The following SAMD5 variants were observed in gnomAD, a reference collection of about 807,000 sequenced individuals.
SAMD5 encodes sterile alpha motif domain containing 5, also known as sterile alpha motif domain-containing protein 5.
SAMD5 carries 13 observed loss-of-function variants against 11.3 expected under a neutral mutation model. That is an observed-to-expected ratio of 1.15 (90% CI 0.75 to 1.83). The LOEUF is 1.83. SAMD5 is among the 40% of genes most tolerant of loss of function. The pLI is 0.00. For missense variants in SAMD5, 255 were observed against 239.1 expected, an observed-to-expected ratio of 1.07 and a Z score of -0.44; for synonymous variants, 129 against 111.3, an observed-to-expected ratio of 1.16 and a Z score of -1.00.
chr6:147,742,122 T>A (rs1791888168), downstream of SAMD5, among the ~76,000 whole-genome samples: 2 of 152,098 alleles, frequency 1.3e-5, no homozygotes, highest in African/African-American at 2.4e-5. Context: ...TTTAAAAAAA[T>A]ATGAGTTTTA....
chr6:147,882,812 C>T, the SAMD5 span, among the ~76,000 whole-genome samples: 1 of 152,116 alleles, frequency 6.6e-6, no homozygotes, highest in African/African-American at 2.4e-5. Context: ...ATGTTTTGCC[C>T]TGTTATTAGG....
chr6:147,769,982 C>T, the SAMD5 span, among the ~76,000 whole-genome samples: 10 of 152,308 alleles, frequency 6.6e-5, no homozygotes, highest in African/African-American at 2.4e-4. Context: ...TGTTGATTAG[C>T]ATCCTTCCCG....
Position 147,565,085 on chromosome 6 carries a change from C to G in SAMD5, c.*629C>G. ...ATTAAGGAACATCACCAAGAGAGGA[C>G]AATTTCTTCTAACTTCTCTTTTTAA... On this transcript the variant is annotated 3_prime_UTR_variant, in exon 2 of 2. Coordinates refer to ENST00000367474, the MANE Select transcript of SAMD5 (RefSeq NM_001030060.3). 3.0e-6 allele frequency: 3 copies of G among 983,788 alleles called. No homozygotes were observed. Among genetic ancestry groups the G allele is most frequent in the Non-Finnish European group, 3.6e-6 (3 of 828,438 alleles). 60.9% of individuals were successfully genotyped at this position (983,788 alleles called of 1,614,324 possible).
the SAMD5 span, among the ~76,000 whole-genome samples, chr6:147,784,061 C>G: frequency 6.6e-6 from 1 of 152,146 alleles, no homozygotes; most frequent in African/African-American, 2.4e-5. Flanking sequence ...TTCTATCCTA[C>G]TGCTTTCATT....
intron 1 of SAMD5, among the ~76,000 whole-genome samples, chr6:147,544,999 C>CA (rs1387551820): frequency 6.6e-6 from 1 of 152,058 alleles, no homozygotes; most frequent in African/African-American, 2.4e-5. Flanking sequence ...ATATTCCATG[C>CA]AGTTCAGTTT....
the SAMD5 span, among the ~76,000 whole-genome samples, chr6:147,906,464 A>G: frequency 6.6e-6 from 1 of 152,222 alleles, no homozygotes; most frequent in Non-Finnish European, 1.5e-5. Flanking sequence ...GGCCAACAGA[A>G]CACCCTTAAA....
chr6:147,918,120 A>T, the SAMD5 span, among the ~76,000 whole-genome samples: 1 of 152,114 alleles, frequency 6.6e-6, no homozygotes, highest in Non-Finnish European at 1.5e-5. Flanking sequence ...CTTGATGGGG[A>T]TGGCATTGAA....
intron 1 of SAMD5, among the ~76,000 whole-genome samples, chr6:147,651,136 A>G (rs1241050291): frequency 2.0e-5 from 3 of 152,234 alleles, no homozygotes; most frequent in Non-Finnish European, 4.4e-5. Flanking sequence ...GTCCAAAGGA[A>G]TTGGCAAAGA....
At chr6:147,786,760 ATCAT>A in the SAMD5 span, among the ~76,000 whole-genome samples, 1 of 152,186 alleles carries the variant, frequency 6.6e-6, no homozygotes, top group Non-Finnish European at 1.5e-5. Context: ...TTATTTTAAA[ATCAT>A]TCACTCTTTC....
the SAMD5 span, among the ~76,000 whole-genome samples, chr6:147,745,182 ATAAC>A: frequency 1.3e-5 from 2 of 152,110 alleles, no homozygotes; most frequent in African/African-American, 4.8e-5. Context: ...TTTGATCAAA[ATAAC>A]TGTGTGTGCC....
intron 1 of SAMD5, among the ~76,000 whole-genome samples, chr6:147,623,000 TA>T (rs1789994400): frequency 6.6e-6 from 1 of 152,150 alleles, no homozygotes; most frequent in Non-Finnish European, 1.5e-5. Flanking sequence ...CCCTCATGAT[TA>T]AATTACCTCC....
In SAMD5 at chr6:147,567,310, T is replaced by C. The variant is rs914825148; in HGVS notation, c.*2854T>C. On this transcript the variant is annotated 3_prime_UTR_variant, in exon 2 of 2. Transcript: ENST00000367474. The stretch of plus-strand genomic sequence containing the variant: ...GGGAGCATACGAGCAATTTCTCAGT[T>C]CAGAGATATTTATAGCATCTTGGTG... 3 of 985,230 alleles carry C rather than the reference T, an allele frequency of 3.0e-6. No individual in the cohort carries two copies. The African/African-American group carries it at 5.2e-5, about 17-fold the overall frequency. The allele number at this position is 985,230 out of a possible 1,614,324, so 61.0% of individuals were successfully genotyped here.
intron 1 of SAMD5, among the ~76,000 whole-genome samples, chr6:147,545,497 G>C (rs1788670868): frequency 6.6e-6 from 1 of 152,088 alleles, no homozygotes; most frequent in Non-Finnish European, 1.5e-5. Flanking sequence ...ACTTGTCTTT[G>C]TTCCATGTTG....
At position 147,629,805 on chromosome 6, in the gene SAMD5, T is replaced by C. The variant is rs78355227; in HGVS notation, c.163-107512T>C. Among the ~76,000 whole-genome samples, 357 of 152,308 alleles carry C rather than the reference T, an allele frequency of 2.3e-3. 2 individuals are homozygous for C. Among genetic ancestry groups the C allele is most frequent in the African/African-American group, 8.3e-3 (343 of 41,564 alleles). On this transcript the variant is annotated intron_variant, in intron 1 of 1. Transcript: ENST00000566741. The stretch of plus-strand genomic sequence containing the variant: ...GTCAAGAATATCCTGTTGTAGCACC[T>C]CTTCCTTCCAGCTTCGAGTGGATAA...
chr6:147,812,412 A>C, the SAMD5 span, among the ~76,000 whole-genome samples: 1 of 152,010 alleles, frequency 6.6e-6, no homozygotes, highest in Non-Finnish European at 1.5e-5. Flanking sequence ...ATGTGCATAG[A>C]GGAAGGGTTT....
the SAMD5 span, among the ~76,000 whole-genome samples, chr6:147,817,171 A>G: frequency 2.1e-3 from 319 of 152,260 alleles, no homozygotes; most frequent in African/African-American, 7.3e-3. Flanking sequence ...CATTTCTACC[A>G]TGATGTAAAT....
At chr6:147,670,337 T>G (rs1790778474) in intron 1 of SAMD5, among the ~76,000 whole-genome samples, 1 of 152,182 alleles carries the variant, frequency 6.6e-6, no homozygotes, top group Non-Finnish European at 1.5e-5. Flanking sequence ...CCAGAATGAT[T>G]GAATGAGCAT....
At chr6:147,593,958 T>C (rs574467431) in intron 1 of SAMD5, among the ~76,000 whole-genome samples, 1 of 152,182 alleles carries the variant, frequency 6.6e-6, no homozygotes, top group Non-Finnish European at 1.5e-5. Context: ...TGAAACCCCG[T>C]CTGTACTAAA....
the SAMD5 span, among the ~76,000 whole-genome samples, chr6:147,937,505 G>A: frequency 1.3e-5 from 2 of 152,312 alleles, no homozygotes; most frequent in African/African-American, 4.8e-5. Flanking sequence ...TAGCAGTCCA[G>A]CTTCATCTGT....
Sources: allele counts gnomAD v4.1 joint callset (sites outside exome capture counted in the v4.1 genomes callset), GRCh38; gene constraint gnomAD v4.1.1; transcripts MANE v1.5; gene names NCBI Gene and HGNC (gene_info 2026-07-23, HGNC 2026-07-21).